PLXDC2: variants seen among roughly 807,000 people sequenced by gnomAD.
PLXDC2 encodes the protein plexin domain containing 2.
In PLXDC2, 40 loss-of-function variants were observed where a neutral mutation model predicts 68.9. The observed-to-expected ratio is 0.58, with a 90% CI of 0.45 to 0.76. PLXDC2 has a LOEUF of 0.76. Among genes scored for constraint, PLXDC2 ranks in the 30% least tolerant of loss-of-function variants. PLXDC2 has a pLI of 0.00. For missense variants in PLXDC2, 644 were observed against 661.9 expected (o/e 0.97, Z 0.30); for synonymous variants, 243 against 234.2 (o/e 1.04, Z -0.34).
chr10:19,922,354 G>A (rs539459584), intron 1 of PLXDC2, among the ~76,000 whole-genome samples: 1 of 152,332 alleles, frequency 6.6e-6, no homozygotes, highest in East Asian at 1.9e-4. Flanking sequence ...GGAGGGTAGG[G>A]TTATGTGTGT....
intron 4 of PLXDC2, among the ~76,000 whole-genome samples, chr10:20,084,244 G>T (rs1207512521): frequency 6.6e-6 from 1 of 152,178 alleles, no homozygotes; most frequent in East Asian, 1.9e-4. Flanking sequence ...TGTCCAAAGG[G>T]CTTAGTGACT....
At chr10:19,925,978 A>C (rs1833532596) in intron 1 of PLXDC2, among the ~76,000 whole-genome samples, 1 of 152,174 alleles carries the variant, frequency 6.6e-6, no homozygotes, top group Admixed American at 6.5e-5. Flanking sequence ...CCACATATGA[A>C]CGCTCAATGT....
intron 4 of PLXDC2, among the ~76,000 whole-genome samples, chr10:20,142,486 G>C (rs1834019607): frequency 6.6e-6 from 1 of 152,070 alleles, no homozygotes; most frequent in African/African-American, 2.4e-5. Context: ...ATTTGTCATG[G>C]ATAATCCACA....
intron 1 of PLXDC2, among the ~76,000 whole-genome samples, chr10:19,901,575 T>C (rs1838161964): frequency 6.6e-6 from 1 of 152,222 alleles, no homozygotes; most frequent in Non-Finnish European, 1.5e-5. Flanking sequence ...TTCTGGATAT[T>C]AATCCTTTGT....
chr10:20,162,099 G>A (rs887111482), intron 6 of PLXDC2, among the ~76,000 whole-genome samples: 14 of 138,022 alleles, frequency 1.0e-4, no homozygotes, highest in African/African-American at 3.8e-4. Context: ...AAGGAAGGAA[G>A]GAAGGAAGGA....
intron 12 of PLXDC2, among the ~76,000 whole-genome samples, chr10:20,227,571 G>A (rs1835302576): frequency 6.6e-6 from 1 of 152,072 alleles, no homozygotes; most frequent in East Asian, 1.9e-4. Context: ...TTTAAGGCTG[G>A]TGAGGCTGAG....
In PLXDC2 at chr10:20,252,379, T is replaced by C. The variant is rs528874689; in HGVS notation, c.1473+6874T>C. On this transcript the variant is annotated intron_variant, in intron 13 of 13. Coordinates refer to ENST00000377252, the MANE Select transcript of PLXDC2 (RefSeq NM_032812.9). ...TGTTGAAATGATAGTATCTTGGATATGCTGGATTAAATAAATTTTATTACA... is the reference window on the plus strand; with the variant it reads ...TGTTGAAATGATAGTATCTTGGATACGCTGGATTAAATAAATTTTATTACA... Among the ~76,000 whole-genome samples the C allele has an allele frequency of 2.5e-4, 38 of 152,348 alleles. No individual in the cohort carries two copies. The South Asian group carries it at 5.2e-3, about 21-fold the overall frequency.
chr10:19,825,151 A>G (rs1836547482), intron 1 of PLXDC2, among the ~76,000 whole-genome samples: 1 of 152,208 alleles, frequency 6.6e-6, no homozygotes, highest in African/African-American at 2.4e-5. Flanking sequence ...GCCAAGATGC[A>G]GACTGACTTC....
chr10:19,835,797 G>A (rs61588436), intron 1 of PLXDC2, among the ~76,000 whole-genome samples: 3,872 of 152,192 alleles, frequency 0.025, 137 homozygotes, highest in African/African-American at 0.087. Context: ...ATGGTGGCTA[G>A]CTGGTGGCAG....
intron 4 of PLXDC2, among the ~76,000 whole-genome samples, chr10:20,138,742 G>A (rs532894338): frequency 3.9e-5 from 6 of 152,092 alleles, no homozygotes; most frequent in African/African-American, 1.4e-4. Context: ...GTGAAACCAT[G>A]TCTCTACTAA....
intron 2 of PLXDC2, among the ~76,000 whole-genome samples, chr10:20,013,615 A>AATT (rs1389260838): frequency 5.3e-5 from 8 of 152,346 alleles, no homozygotes; most frequent in African/African-American, 1.9e-4. Context: ...ATTTAAAACT[A>AATT]GTACAGAGTA....
chr10:20,032,701 G>A (rs183869169), intron 2 of PLXDC2, among the ~76,000 whole-genome samples: 13 of 152,004 alleles, frequency 8.6e-5, no homozygotes, highest in Admixed American at 2.0e-4. Context: ...TATAGAACTG[G>A]TTTTATATCC....
intron 11 of PLXDC2, 110 bp downstream of exon 11, chr10:20,217,686 C>G (rs1047893077): frequency 1.6e-6 from 2 of 1,241,368 alleles, no homozygotes; most frequent in Non-Finnish European, 2.1e-6. Context: ...CTCTCTAGGT[C>G]TCTCTAAAGT....
intron 12 of PLXDC2, among the ~76,000 whole-genome samples, chr10:20,229,479 A>G (rs1320944021): frequency 7.1e-6 from 1 of 141,460 alleles, no homozygotes; most frequent in East Asian, 2.1e-4. Context: ...TGAATTAGCC[A>G]TGCGTATTAC....
intron 13 of PLXDC2, among the ~76,000 whole-genome samples, chr10:20,247,202 G>C (rs943591142): frequency 2.0e-5 from 3 of 150,362 alleles, no homozygotes; most frequent in African/African-American, 7.4e-5. Flanking sequence ...ACTCACATCT[G>C]TAATCCCAGC....
intron 2 of PLXDC2, among the ~76,000 whole-genome samples, chr10:20,028,716 C>A (rs1293876562): frequency 6.6e-6 from 1 of 152,078 alleles, no homozygotes; most frequent in African/African-American, 2.4e-5. Context: ...CAGCCTCTTT[C>A]TCTTTTGCTC....
intron 4 of PLXDC2, among the ~76,000 whole-genome samples, chr10:20,108,147 C>A (rs1389816284): frequency 1.3e-5 from 2 of 152,158 alleles, no homozygotes; most frequent in African/African-American, 2.4e-5. Flanking sequence ...AAAAATCCGT[C>A]GGCACGGCAA....
At chr10:20,162,279 C>T (rs1048433195) in intron 6 of PLXDC2, among the ~76,000 whole-genome samples, 3 of 152,158 alleles carry the variant, frequency 2.0e-5, no homozygotes, top group Non-Finnish European at 4.4e-5. Flanking sequence ...AAAACAAGCT[C>T]TGACATAAAC....
rs542992042 is a variant in PLXDC2 at position 20,048,393 on chromosome 10, A to G, written c.471+1378A>G. On this transcript the variant is annotated intron_variant, in intron 3 of 13. Transcript: ENST00000377252. Reference sequence around the variant, plus strand: ...ATCCACCCCCACCCCAGTTTTTTCTATATTCAGGCAACCCCAGGTAGGCAA... The same window carrying G: ...ATCCACCCCCACCCCAGTTTTTTCTGTATTCAGGCAACCCCAGGTAGGCAA... Among the ~76,000 whole-genome samples, 46 of 151,476 alleles carry G rather than the reference A, an allele frequency of 3.0e-4. No homozygotes were observed. The South Asian group carries it at 9.2e-3, about 30-fold the overall frequency.
Sources: gnomAD v4.1 joint callset for allele counts (sites outside exome capture counted in the v4.1 genomes callset) on GRCh38, gnomAD v4.1.1 for gene constraint, MANE v1.5 for transcripts, NCBI Gene and HGNC (gene_info 2026-07-23, HGNC 2026-07-21) for gene names.